Variants in MET observed in about 807,000 individuals in gnomAD.
The protein encoded by MET is MET proto-oncogene, receptor tyrosine kinase, also known as hepatocyte growth factor receptor.
In MET, 48 loss-of-function variants were observed where a neutral mutation model predicts 133.1. The observed-to-expected ratio is 0.36, with a 90% CI of 0.29 to 0.46. The LOEUF (loss-of-function observed/expected upper bound fraction) is 0.46. Ranked by LOEUF, MET falls within the 20% of genes least tolerant of loss-of-function variation. The probability of loss-of-function intolerance (pLI) is 1.00; values close to 1 mark genes in which losing one functional copy is unlikely to be tolerated. For synonymous variants in MET, 628 were observed against 616.5 expected (o/e 1.02, Z -0.28); for missense variants, 1,442 against 1,695.9 (o/e 0.85, Z 2.63).
intron 12 of MET, 59 bp from the exon 13 acceptor site, chr7:116,771,439 G>A (rs920510243): frequency 2.5e-6 from 4 of 1,601,278 alleles, no homozygotes; most frequent in Non-Finnish European, 3.4e-6. Context: ...GCTACAACCT[G>A]TGTAGTACAA....
At chr7:116,730,252 G>A (rs1757169023) in intron 2 of MET, among the ~76,000 whole-genome samples, 1 of 152,198 alleles carries the variant, frequency 6.6e-6, no homozygotes, top group Non-Finnish European at 1.5e-5. Context: ...CTTAATGGGA[G>A]AACACGTGAC....
chr7:116,707,919 C>G (rs1791859763), intron 2 of MET, among the ~76,000 whole-genome samples: 1 of 152,116 alleles, frequency 6.6e-6, no homozygotes, highest in South Asian at 2.1e-4. Flanking sequence ...GAAGCCTAAC[C>G]ATTTTATTTA....
intron 19 of MET, 51 bp from the exon 20 acceptor site, chr7:116,795,604 T>G (rs2117106670): frequency 6.2e-7 from 1 of 1,611,788 alleles, no homozygotes; most frequent in Non-Finnish European, 8.5e-7. Flanking sequence ...TCCTTTCATA[T>G]ATGTATGGTC....
intron 12 of MET, among the ~76,000 whole-genome samples, chr7:116,770,222 CTACTT>C (rs1794788877): frequency 6.6e-6 from 1 of 152,182 alleles, no homozygotes; most frequent in East Asian, 1.9e-4. Context: ...AAAGATTAAA[CTACTT>C]TACAGTAACT....
intron 19 of MET, among the ~76,000 whole-genome samples, chr7:116,788,730 A>G (rs1412869677): frequency 6.6e-6 from 1 of 152,246 alleles, no homozygotes; most frequent in East Asian, 1.9e-4. Context: ...AGGACAGCGC[A>G]ATCTTGAATG....
chr7:116,754,998 A>AAG (rs1794111006), intron 5 of MET, among the ~76,000 whole-genome samples: 1 of 148,052 alleles, frequency 6.8e-6, no homozygotes, highest in Admixed American at 6.7e-5. Context: ...GAAAGAAAGA[A>AAG]AGAAAGAAAG....
chr7:116,764,049 A>T (rs1794514552), intron 11 of MET, among the ~76,000 whole-genome samples: 2 of 152,200 alleles, frequency 1.3e-5, no homozygotes, highest in South Asian at 4.1e-4. Context: ...CTGAAAGATG[A>T]TCTGAATGCA....
intron 11 of MET, among the ~76,000 whole-genome samples, chr7:116,766,129 T>C (rs527937695): frequency 7.2e-4 from 110 of 152,366 alleles, no homozygotes; most frequent in African/African-American, 2.6e-3. Context: ...AGAAACTCTG[T>C]ATTTCTCCCT....
rs1794291315 is a variant in MET at position 116,758,923 on chromosome 7, T to C, written c.2264+303T>C. Among the ~76,000 whole-genome samples, 4 of 152,340 alleles carry C rather than the reference T, an allele frequency of 2.6e-5. 1 individual carries two copies. In the South Asian group the frequency reaches 8.3e-4, roughly 32 times the overall value. ...ACTTACATTATGTACATATCAATTC[T>C]ATACTAACCTTAGTGCCCAGAAGTG... is the stretch of plus-strand genomic sequence containing the variant. On this transcript the variant is annotated intron_variant, in intron 9 of 20. Coordinates refer to ENST00000397752, the MANE Select transcript of MET (RefSeq NM_000245.4).
At chr7:116,734,811 G>T (rs1793150944) in intron 3 of MET, among the ~76,000 whole-genome samples, 1 of 152,188 alleles carries the variant, frequency 6.6e-6, no homozygotes, top group South Asian at 2.1e-4. Context: ...CATTAACACA[G>T]TGTACACAGC....
intron 17 of MET, among the ~76,000 whole-genome samples, chr7:116,779,788 T>C (rs1795100454): frequency 1.3e-5 from 2 of 152,234 alleles, no homozygotes; most frequent in African/African-American, 4.8e-5. Flanking sequence ...TGAAATATTT[T>C]GGATTTTGGG....
At chr7:116,785,499 A>G (rs1220008503) in intron 19 of MET, among the ~76,000 whole-genome samples, 4 of 152,108 alleles carry the variant, frequency 2.6e-5, no homozygotes, top group Non-Finnish European at 5.9e-5. Context: ...CTTTTAAACA[A>G]CCAGATCTCC....
intron 11 of MET, among the ~76,000 whole-genome samples, chr7:116,763,710 G>T (rs1436663348): frequency 6.6e-6 from 1 of 152,176 alleles, no homozygotes; most frequent in African/African-American, 2.4e-5. Context: ...AAGCTAATTT[G>T]TAAATGGAAC....
intron 2 of MET, among the ~76,000 whole-genome samples, chr7:116,728,036 A>G (rs146174097): frequency 2.0e-5 from 3 of 152,320 alleles, no homozygotes; most frequent in Non-Finnish European, 4.4e-5. Flanking sequence ...AGGATTCTCC[A>G]TAGGAAGACA....
chr7:116,718,046 A>G (rs1196006546), intron 2 of MET, among the ~76,000 whole-genome samples: 1 of 152,188 alleles, frequency 6.6e-6, no homozygotes, highest in Non-Finnish European at 1.5e-5. Context: ...ATGACAGTAT[A>G]TAAGACTTTG....
intron 2 of MET, among the ~76,000 whole-genome samples, chr7:116,725,461 T>TACAC (rs1554386858): frequency 4.2e-4 from 47 of 113,202 alleles, no homozygotes; most frequent in Non-Finnish European, 6.9e-4. Context: ...TTTCTTATGA[T>TACAC]ATACATATAT....
At chr7:116,769,904 C>T (rs751962539) in intron 12 of MET, 113 bp downstream of exon 12, 9 of 1,421,204 alleles carry the variant, frequency 6.3e-6, no homozygotes, top group Non-Finnish European at 8.8e-6. Context: ...TTTGGCTCAT[C>T]AACTCAGCCT....
In MET at chr7:116,796,574, G is replaced by T; in HGVS notation, c.*450G>T. The T allele has an allele frequency of 3.2e-6, 1 of 309,428 alleles. No homozygotes were observed. The highest frequency in any genetic ancestry group is 6.1e-6 in the Non-Finnish European group (1 of 164,354). The allele number at this position is 309,428 out of a possible 1,614,324, so 19.2% of individuals were successfully genotyped here. A position where few individuals can be genotyped will look rare whatever the true frequency, so the allele number is the denominator to read the frequency against. On this transcript the variant is annotated 3_prime_UTR_variant, in exon 21 of 21. Transcript: ENST00000397752. ...TTCAAAACACTTTTGTGTGTTGTAT[G>T]GTCAATAACATTTTTCATTACTGAT...
chr7:116,767,934 T>C (rs1477203465), intron 11 of MET, among the ~76,000 whole-genome samples: 1 of 151,166 alleles, frequency 6.6e-6, no homozygotes, highest in Non-Finnish European at 1.5e-5. Context: ...ACTTTTGTAA[T>C]ATCTGGGACT....
Sources: gnomAD v4.1 joint callset for allele counts (sites outside exome capture counted in the v4.1 genomes callset) on GRCh38, gnomAD v4.1.1 for gene constraint, MANE v1.5 for transcripts, NCBI Gene and HGNC (gene_info 2026-07-23, HGNC 2026-07-21) for gene names.